Variants in SLC1A2 observed in about 807,000 individuals in gnomAD.
The protein encoded by SLC1A2 is excitatory amino acid transporter 2.
In SLC1A2, 15 loss-of-function variants were observed where a neutral mutation model predicts 48.8. That is an observed-to-expected ratio of 0.31 (90% CI 0.21 to 0.47). The LOEUF is 0.47. SLC1A2 is among the 20% of genes least tolerant of loss of function. SLC1A2 has a pLI of 0.99. For synonymous variants in SLC1A2, 279 were observed against 272.6 expected (o/e 1.02, Z -0.23); for missense variants, 502 against 730.5 (o/e 0.69, Z 3.61).
intron 9 of SLC1A2, among the ~76,000 whole-genome samples, chr11:35,274,040 T>C (rs1037936563): frequency 6.6e-5 from 10 of 152,096 alleles, no homozygotes; most frequent in Admixed American, 3.3e-4. Flanking sequence ...CAAGGGGAAA[T>C]TCCCAGGGGT....
chr11:35,316,040 C>A (rs933049857), intron 2 of SLC1A2: 3 of 152,220 alleles, frequency 2.0e-5, no homozygotes, highest in African/African-American at 4.8e-5. Context: ...TCATGGCTCA[C>A]TCTCAAGGCT....
In SLC1A2 at chr11:35,252,395, G is replaced by C. The variant is rs1950250736; in HGVS notation, c.*8499C>G. The C allele has an allele frequency of 6.6e-6, 1 of 152,094 alleles. No individual in the cohort carries two copies. The highest frequency in any genetic ancestry group is 2.1e-4 in the South Asian group (1 of 4,826). 9.4% of individuals were successfully genotyped at this position (152,094 alleles called of 1,614,324 possible). ...GAGCCCAATCCACCAAGCAAAGGAG[G>C]ACTGTAGATGGATGTTCTCATTCTA... On this transcript the variant is annotated 3_prime_UTR_variant, in exon 11 of 11. Coordinates refer to ENST00000278379, the MANE Select transcript of SLC1A2 (RefSeq NM_004171.4).
intron 1 of SLC1A2, among the ~76,000 whole-genome samples, chr11:35,402,970 A>T (rs1248556371): frequency 6.6e-6 from 1 of 152,222 alleles, no homozygotes; most frequent in African/African-American, 2.4e-5. Context: ...AGAATTAGCA[A>T]ACATACCTTT....
intron 1 of SLC1A2, 78 bp downstream of exon 1, chr11:35,418,872 A>C: frequency 7.3e-7 from 1 of 1,369,716 alleles, no homozygotes; most frequent in South Asian, 1.2e-5. Flanking sequence ...CCGCCTCTCT[A>C]TCCGCATCCC....
At chr11:35,314,292 GCATTT>G (rs1163978143) in intron 3 of SLC1A2, among the ~76,000 whole-genome samples, 1 of 152,092 alleles carries the variant, frequency 6.6e-6, no homozygotes, top group Non-Finnish European at 1.5e-5. Flanking sequence ...TTCATACCTA[GCATTT>G]CATTTATTTT....
rs1429810428 is a variant in SLC1A2 at position 35,280,970 on chromosome 11, C to T, written c.1318G>A (p.Ala440Thr). Reference protein sequence around the residue: ...LTATLASVGAASIPSAGLVTM... With the variant: ...LTATLASVGATSIPSAGLVTM... ...ACCAGCCCGGCACTGGGGATACTGGCCGCGCCGACGCTTGCCAGGGTGGCT... is the reference window on the plus strand; with the variant it reads ...ACCAGCCCGGCACTGGGGATACTGGTCGCGCCGACGCTTGCCAGGGTGGCT... The change falls in exon 9 of 11, where the codon GCC becomes ACC. Residue 440 changes from alanine (A) to threonine (T), a missense_variant. By Grantham distance (58) the Ala-to-Thr change is moderately conservative. Coordinates refer to ENST00000278379, the MANE Select transcript of SLC1A2 (RefSeq NM_004171.4). The T allele has an allele frequency of 6.2e-7, 1 of 1,610,864 alleles. No homozygotes were observed. Among genetic ancestry groups the T allele is most frequent in the Non-Finnish European group, 8.5e-7 (1 of 1,178,786 alleles).
chr11:35,305,985 C>A, intron 5 of SLC1A2, 89 bp downstream of exon 5: 1 of 1,221,012 alleles, frequency 8.2e-7, no homozygotes, highest in Admixed American at 1.8e-5. Context: ...ACCTAGAGGA[C>A]AGCTGAGTCA....
chr11:35,381,284 T>C (rs1402802894), intron 1 of SLC1A2, among the ~76,000 whole-genome samples: 3 of 152,050 alleles, frequency 2.0e-5, no homozygotes, highest in Non-Finnish European at 4.4e-5. Flanking sequence ...CCAATGAGAC[T>C]CTTCTCTGGG....
rs112535436 is a variant in SLC1A2, at chr11:35,379,346, G to T, written c.17+39604C>A. On this transcript the variant is annotated intron_variant, in intron 1 of 10. Transcript: ENST00000278379. The stretch of plus-strand genomic sequence containing the variant: ...TTATTACTAATAAAATTTTTAGACT[G>T]CCCTGATTCACAAAACTATTGCAAA... Among the ~76,000 whole-genome samples the T allele has an allele frequency of 2.4e-3, 365 of 152,322 alleles. 1 individual carries two copies. Among genetic ancestry groups the T allele is most frequent in the African/African-American group, 8.4e-3 (349 of 41,570 alleles).
intron 1 of SLC1A2, among the ~76,000 whole-genome samples, chr11:35,384,281 A>C (rs968980861): frequency 1.3e-5 from 2 of 152,204 alleles, no homozygotes; most frequent in Admixed American, 6.5e-5. Flanking sequence ...TTTTAATGAT[A>C]CCATAATTAT....
At chr11:35,377,882 C>T (rs1241536244) in intron 1 of SLC1A2, among the ~76,000 whole-genome samples, 2 of 152,206 alleles carry the variant, frequency 1.3e-5, no homozygotes, top group Admixed American at 1.3e-4. Flanking sequence ...TGCAAGCATT[C>T]TTTTTCTTTA....
chr11:35,302,273 T>A (rs557102240), intron 5 of SLC1A2, among the ~76,000 whole-genome samples: 14 of 152,342 alleles, frequency 9.2e-5, no homozygotes, highest in South Asian at 2.1e-4. Context: ...CCAGTTTTTT[T>A]AAATGTAATC....
chr11:35,379,104 C>A (rs894898702), intron 1 of SLC1A2, among the ~76,000 whole-genome samples: 2 of 152,094 alleles, frequency 1.3e-5, no homozygotes, highest in Non-Finnish European at 2.9e-5. Flanking sequence ...GGTGACATGA[C>A]TGTAATCCCA....
intron 1 of SLC1A2, among the ~76,000 whole-genome samples, chr11:35,389,311 T>C (rs946316891): frequency 6.6e-6 from 1 of 152,204 alleles, no homozygotes; most frequent in Admixed American, 6.5e-5. Context: ...CATGCCCAGG[T>C]AGAGAGCCCA....
rs570954696 is a variant in SLC1A2 at position 35,260,918 on chromosome 11, T to C, written c.1701A>G (p.Glu567=). ...NGKSADCSVE[E]EPWKREK The stretch of plus-strand genomic sequence containing the variant: ...CTTATTTCTCACGTTTCCAAGGTTC[T>C]TCCTCAACACTGCAGTCGGCTGACT... The change falls in exon 11 of 11, where the codon GAA becomes GAG. Residue 567 remains glutamate, a synonymous_variant. Transcript: ENST00000278379. 56 of 1,613,728 alleles carry C rather than the reference T, an allele frequency of 3.5e-5. No homozygotes were observed. The South Asian group carries it at 5.6e-4, about 16-fold the overall frequency.
intron 1 of SLC1A2, among the ~76,000 whole-genome samples, chr11:35,388,333 T>A (rs1300487382): frequency 2.0e-5 from 3 of 152,252 alleles, no homozygotes; most frequent in Admixed American, 2.0e-4. Flanking sequence ...TTTACGGCAC[T>A]ACATACCAGA....
Position 35,290,414 on chromosome 11 carries a change from G to A in SLC1A2, c.1091+1873C>T, listed in dbSNP as rs559908558. 2.5e-3 allele frequency among the ~76,000 whole-genome samples: 373 copies of A among 152,180 alleles called. 2 individuals carry two copies. Among genetic ancestry groups the A allele is most frequent in the South Asian group, 0.016 (79 of 4,818 alleles). ...CTATTGCAATAGATACAACTTTTAT[G>A]ATACGTTGACCAGTAAAAAAATAAC... On this transcript the variant is annotated intron_variant, in intron 7 of 10. Coordinates refer to ENST00000278379, the MANE Select transcript of SLC1A2 (RefSeq NM_004171.4).
chr11:35,399,673 T>C, intron 1 of SLC1A2: 1 of 887,936 alleles, frequency 1.1e-6, no homozygotes, highest in Non-Finnish European at 1.3e-6. Context: ...GATATTCAGC[T>C]CTTTCCATCT....
At chr11:35,314,985 T>C (rs751255166) in intron 3 of SLC1A2, 38 bp downstream of exon 3, 21 of 1,520,500 alleles carry the variant, frequency 1.4e-5, no homozygotes, top group Non-Finnish European at 1.9e-5. Context: ...GGCAGGAGTA[T>C]GACCCATGTT....
Sources: gnomAD v4.1 joint callset for allele counts (sites outside exome capture counted in the v4.1 genomes callset) on GRCh38, gnomAD v4.1.1 for gene constraint, MANE v1.5 for transcripts, NCBI Gene and HGNC (gene_info 2026-07-23, HGNC 2026-07-21) for gene names.